AFG2A: variants seen among roughly 807,000 people sequenced by gnomAD.
The protein encoded by AFG2A is ATPase family gene 2 protein homolog A.
At chr4:123,007,666 C>CACATATATATGGACAT in the AFG2A span, among the ~76,000 whole-genome samples, 1 of 126,236 alleles carries the variant, frequency 7.9e-6, no homozygotes, top group Non-Finnish European at 1.7e-5. Flanking sequence ...CACACACACA[C>CACATATATATGGACAT]ATATATGGAC....
At chr4:122,978,731 T>C in the AFG2A span, among the ~76,000 whole-genome samples, 4 of 152,178 alleles carry the variant, frequency 2.6e-5, no homozygotes, top group South Asian at 2.1e-4. Context: ...CACATACTCA[T>C]TGGCACCCAA....
At chr4:123,236,536 T>C in the AFG2A span, among the ~76,000 whole-genome samples, 1 of 152,336 alleles carries the variant, frequency 6.6e-6, no homozygotes, top group African/African-American at 2.4e-5. Context: ...CCCAAAGATA[T>C]ATTGTCTTAC....
chr4:123,118,082 A>G, the AFG2A span, among the ~76,000 whole-genome samples: 2 of 151,320 alleles, frequency 1.3e-5, no homozygotes, highest in Non-Finnish European at 2.9e-5. Flanking sequence ...TTTTTAAAAG[A>G]TATTTTGTTA....
At chr4:122,956,652 A>G in the AFG2A span, among the ~76,000 whole-genome samples, 2 of 152,136 alleles carry the variant, frequency 1.3e-5, no homozygotes, top group African/African-American at 4.8e-5. Context: ...TTATTTTGAG[A>G]TGGAGTCTTG....
chr4:123,196,150 A>G, the AFG2A span, among the ~76,000 whole-genome samples: 37 of 125,918 alleles, frequency 2.9e-4, no homozygotes, highest in Middle Eastern at 4.9e-3. Flanking sequence ...ACAGGCGCCC[A>G]CCACCATGCC....
At chr4:123,220,613 C>CAAAAAAAAA in the AFG2A span, among the ~76,000 whole-genome samples, 1 of 41,758 alleles carries the variant, frequency 2.4e-5, no homozygotes, top group Admixed American at 2.4e-4. Flanking sequence ...GACTCCAACT[C>CAAAAAAAAA]AAAAAAAAAA....
At chr4:122,959,713 T>G in the AFG2A span, among the ~76,000 whole-genome samples, 1 of 152,222 alleles carries the variant, frequency 6.6e-6, no homozygotes. Context: ...AAAACCTCTG[T>G]AGTGTTTGTG....
At chr4:122,946,172 T>A in the AFG2A span, among the ~76,000 whole-genome samples, 57 of 152,350 alleles carry the variant, frequency 3.7e-4, no homozygotes, top group Non-Finnish European at 6.9e-4. Context: ...AGACCAAATG[T>A]TTGTGTTTAT....
chr4:123,140,223 A>C, the AFG2A span, among the ~76,000 whole-genome samples: 1 of 152,128 alleles, frequency 6.6e-6, no homozygotes, highest in African/African-American at 2.4e-5. Context: ...CGGGAGAATG[A>C]GTAAGTGAAA....
the AFG2A span, among the ~76,000 whole-genome samples, chr4:123,049,869 T>A: frequency 6.6e-6 from 1 of 152,080 alleles, no homozygotes; most frequent in Non-Finnish European, 1.5e-5. Flanking sequence ...TTTGGTTTGT[T>A]CTTGCTTTTC....
At chr4:123,266,435 A>G in the AFG2A span, among the ~76,000 whole-genome samples, 1 of 151,934 alleles carries the variant, frequency 6.6e-6, no homozygotes, top group African/African-American at 2.4e-5. Context: ...AGCAAATTTA[A>G]TTTGATATCT....
At chr4:123,287,297 G>A in the AFG2A span, among the ~76,000 whole-genome samples, 1 of 152,016 alleles carries the variant, frequency 6.6e-6, no homozygotes, top group African/African-American at 2.4e-5. Context: ...CCCCATTTTT[G>A]TGGAAGGCTG....
the AFG2A span, among the ~76,000 whole-genome samples, chr4:123,244,010 A>G: frequency 6.6e-6 from 1 of 152,316 alleles, no homozygotes; most frequent in South Asian, 2.1e-4. Context: ...CAACAGAGCA[A>G]GACCCCATCT....
At chr4:122,967,833 AG>A in the AFG2A span, among the ~76,000 whole-genome samples, 1 of 152,210 alleles carries the variant, frequency 6.6e-6, no homozygotes, top group African/African-American at 2.4e-5. Context: ...TTATTTTCCT[AG>A]ATCATCATGT....
the AFG2A span, among the ~76,000 whole-genome samples, chr4:122,942,101 G>A: frequency 6.6e-6 from 1 of 151,352 alleles, no homozygotes; most frequent in African/African-American, 2.4e-5. Context: ...TCTCTTTTTT[G>A]GTTGTGTCTC....
chr4:123,226,189 T>C, the AFG2A span, among the ~76,000 whole-genome samples: 637 of 152,292 alleles, frequency 4.2e-3, 2 homozygotes, highest in Non-Finnish European at 5.9e-3. Flanking sequence ...TTTTCCTAAT[T>C]GAATACCCTT....
chr4:122,971,037 T>G, the AFG2A span, among the ~76,000 whole-genome samples: 1 of 152,140 alleles, frequency 6.6e-6, no homozygotes, highest in Non-Finnish European at 1.5e-5. Context: ...ATCCACTTGC[T>G]TTGGCCTCCC....
the AFG2A span, among the ~76,000 whole-genome samples, chr4:123,217,089 T>C: frequency 6.6e-6 from 1 of 152,206 alleles, no homozygotes; most frequent in Non-Finnish European, 1.5e-5. Flanking sequence ...ACAAACCAAA[T>C]GTACATAGCC....
chr4:123,045,074 T>C, the AFG2A span, among the ~76,000 whole-genome samples: 14 of 152,270 alleles, frequency 9.2e-5, no homozygotes, highest in South Asian at 2.9e-3. Context: ...TTACGATACC[T>C]GTTTTTAAGA....
Sources: gnomAD v4.1 joint callset for allele counts (sites outside exome capture counted in the v4.1 genomes callset) on GRCh38, gnomAD v4.1.1 for gene constraint, MANE v1.5 for transcripts, NCBI Gene and HGNC (gene_info 2026-07-23, HGNC 2026-07-21) for gene names.